The following GBE1 variants were observed in gnomAD, a reference collection of about 807,000 sequenced individuals.
The protein encoded by GBE1 is 1,4-alpha-glucan-branching enzyme.
Under a neutral mutation model 88.8 loss-of-function variants are expected in GBE1, and 70 were observed. The ratio of observed to expected loss-of-function variants is 0.79; its 90% CI spans 0.65 to 0.96. The LOEUF (loss-of-function observed/expected upper bound fraction) is 0.96, where lower values mean the gene tolerates loss of function less well. GBE1 is among the 40% of genes least tolerant of loss of function. The probability of loss-of-function intolerance (pLI) is 0.00; values close to 1 mark genes in which losing one functional copy is unlikely to be tolerated. For missense variants in GBE1, 872 were observed against 871.0 expected, an observed-to-expected ratio of 1.00 and a Z score of -0.01; for synonymous variants, 284 against 300.1, an observed-to-expected ratio of 0.95 and a Z score of 0.56.
chr3:81,687,557 G>A lies in GBE1; in HGVS notation c.314-16604C>T, dbSNP rs535002766. Among the ~76,000 whole-genome samples the A allele has an allele frequency of 6.6e-5, 10 of 152,330 alleles. No homozygotes were observed. The South Asian group carries it at 2.1e-3, about 32-fold the overall frequency. On this transcript the variant is annotated intron_variant, in intron 2 of 15. Transcript: ENST00000429644. ...AAAATAACAGATTCTGAGGAGAGCA[G>A]TGAAACTGAAATAGCTACCATGGAG... is the stretch of plus-strand genomic sequence containing the variant.
intron 12 of GBE1, among the ~76,000 whole-genome samples, chr3:81,567,602 T>G (rs1397742237): frequency 6.6e-6 from 1 of 152,248 alleles, no homozygotes; most frequent in African/African-American, 2.4e-5. Context: ...CAACAGGTAA[T>G]GGCTGCTTAA....
intron 1 of GBE1, among the ~76,000 whole-genome samples, chr3:81,720,340 G>A (rs1252567470): frequency 6.9e-6 from 1 of 144,530 alleles, no homozygotes; most frequent in Non-Finnish European, 1.5e-5. Flanking sequence ...CACTGTGTGT[G>A]TATGTGTATG....
intron 2 of GBE1, among the ~76,000 whole-genome samples, chr3:81,687,507 C>T (rs114864690): frequency 0.028 from 4,309 of 152,138 alleles, 222 homozygotes; most frequent in African/African-American, 0.094. Context: ...GCAACTATTA[C>T]GTGAATGAAA....
chr3:81,670,277 C>T (rs780874598), intron 3 of GBE1, among the ~76,000 whole-genome samples: 1 of 152,138 alleles, frequency 6.6e-6, no homozygotes, highest in Non-Finnish European at 1.5e-5. Flanking sequence ...GTGTGGAGGA[C>T]GCTCAGCCTG....
chr3:81,531,166 G>T (rs182173039), intron 14 of GBE1, among the ~76,000 whole-genome samples: 1 of 151,750 alleles, frequency 6.6e-6, no homozygotes, highest in Admixed American at 6.6e-5. Context: ...AAGCCCAAGG[G>T]CTCCTTAGTC....
At position 81,505,879 on chromosome 3, in the gene GBE1, G is replaced by A. The variant is rs899168418; in HGVS notation, c.1935-6652C>T. Among the ~76,000 whole-genome samples the A allele has an allele frequency of 3.3e-5, 5 of 152,176 alleles. No individual in the cohort carries two copies. The South Asian group carries it at 1.0e-3, about 32-fold the overall frequency. The stretch of plus-strand genomic sequence containing the variant: ...CAGTTCTGCTAGCTAGCCATTTGTA[G>A]AAGACTGAAACTGGACCCTCCCTTA... On this transcript the variant is annotated intron_variant, in intron 14 of 15. Transcript: ENST00000429644.
intron 1 of GBE1, among the ~76,000 whole-genome samples, chr3:81,724,433 A>G (rs1247324900): frequency 6.6e-6 from 1 of 152,204 alleles, no homozygotes. Flanking sequence ...CATGTGTATT[A>G]AAATTATGAT....
intron 1 of GBE1, chr3:81,743,666 C>G (rs1454882587): frequency 7.8e-7 from 1 of 1,280,516 alleles, no homozygotes; most frequent in African/African-American, 1.5e-5. Context: ...TTAAAGCAGA[C>G]AGCAGTCACC....
At chr3:81,624,355 G>A (rs960983139) in intron 7 of GBE1, among the ~76,000 whole-genome samples, 4 of 152,154 alleles carry the variant, frequency 2.6e-5, no homozygotes, top group African/African-American at 7.2e-5. Flanking sequence ...AGATCTGGGT[G>A]AGGACACAAA....
chr3:81,676,795 A>T lies in GBE1; in HGVS notation c.314-5842T>A, dbSNP rs144464770. Among the ~76,000 whole-genome samples the T allele has an allele frequency of 4.6e-5, 7 of 152,294 alleles. No individual in the cohort carries two copies. In the East Asian group the frequency reaches 1.2e-3, roughly 25 times the overall value. On this transcript the variant is annotated intron_variant, in intron 2 of 15. Coordinates refer to ENST00000429644, the MANE Select transcript of GBE1 (RefSeq NM_000158.4). ...TTATTAACAGGTTTAAATTCATCAT[A>T]TCTGATAAGGCATAAGATTCTATTT...
chr3:81,507,013 C>T (rs995361317), intron 14 of GBE1, among the ~76,000 whole-genome samples: 2 of 151,930 alleles, frequency 1.3e-5, no homozygotes, highest in African/African-American at 4.8e-5. Flanking sequence ...CAATGAACCC[C>T]CATGACACAA....
intron 7 of GBE1, among the ~76,000 whole-genome samples, chr3:81,617,547 C>T (rs1247675256): frequency 6.6e-6 from 1 of 151,836 alleles, no homozygotes; most frequent in Non-Finnish European, 1.5e-5. Flanking sequence ...ACAAAACAAG[C>T]TTAATATTTC....
At chr3:81,647,390 C>T (rs1294513821) in intron 5 of GBE1, among the ~76,000 whole-genome samples, 6 of 152,096 alleles carry the variant, frequency 3.9e-5, no homozygotes. Flanking sequence ...TTCCTTTCTC[C>T]ATCTGAATAT....
At chr3:81,609,686 T>C (rs192564822) in intron 7 of GBE1, among the ~76,000 whole-genome samples, 14 of 152,282 alleles carry the variant, frequency 9.2e-5, no homozygotes, top group African/African-American at 3.1e-4. Flanking sequence ...TTTATGGCAA[T>C]TGCCTTTTCT....
Position 81,586,206 on chromosome 3 carries a change from T to G in GBE1, c.1237-16A>C. Reference sequence around the variant, plus strand: ...CTGATACATCCTACAACAAAGAACGTCGGTTCATAATGATCAAACTTTTAG... The same window carrying G: ...CTGATACATCCTACAACAAAGAACGGCGGTTCATAATGATCAAACTTTTAG... On this transcript the variant is annotated splice_polypyrimidine_tract_variant and intron_variant, in intron 9 of 15. Transcript: ENST00000429644. 1 of 1,511,776 alleles carries G rather than the reference T, an allele frequency of 6.6e-7. No homozygotes were observed. Among genetic ancestry groups the G allele is most frequent in the Non-Finnish European group, 9.1e-7 (1 of 1,102,012 alleles). The allele number at this position is 1,511,776 out of a possible 1,614,324, so 93.6% of individuals were successfully genotyped here.
chr3:81,665,941 T>C (rs183186967), intron 3 of GBE1, among the ~76,000 whole-genome samples: 2 of 152,254 alleles, frequency 1.3e-5, no homozygotes, highest in Admixed American at 6.5e-5. Flanking sequence ...AGAAACAGAC[T>C]TGAGTGATCT....
chr3:81,561,052 A>T (rs1576149541), intron 12 of GBE1, among the ~76,000 whole-genome samples: 1 of 152,050 alleles, frequency 6.6e-6, no homozygotes, highest in Non-Finnish European at 1.5e-5. Context: ...ATCAGGTGGC[A>T]ATTTTTGCTG....
intron 7 of GBE1, among the ~76,000 whole-genome samples, chr3:81,619,111 C>A (rs561316973): frequency 1.3e-5 from 2 of 152,104 alleles, no homozygotes; most frequent in Non-Finnish European, 1.5e-5. Context: ...CTGGTAAAAT[C>A]ATCAATAATA....
chr3:81,760,366 C>G (rs1706662110), intron 1 of GBE1, among the ~76,000 whole-genome samples: 1 of 152,156 alleles, frequency 6.6e-6, no homozygotes, highest in African/African-American at 2.4e-5. Flanking sequence ...TTTTCAAACT[C>G]CAAATCAACC....
Sources: allele counts gnomAD v4.1 joint callset (sites outside exome capture counted in the v4.1 genomes callset), GRCh38; gene constraint gnomAD v4.1.1; transcripts MANE v1.5; gene names NCBI Gene and HGNC (gene_info 2026-07-23, HGNC 2026-07-21).